The following EIF3B variants were observed in gnomAD, a reference collection of about 807,000 sequenced individuals.
EIF3B encodes eukaryotic translation initiation factor 3 subunit 9.
A neutral mutation model predicts 104.6 loss-of-function variants in EIF3B; 10 were observed. That is an observed-to-expected ratio of 0.10 (90% CI 0.06 to 0.16). The LOEUF (loss-of-function observed/expected upper bound fraction) is 0.16, where lower values mean the gene tolerates loss of function less well. EIF3B is among the 10% of genes least tolerant of loss of function. The pLI, the probability that EIF3B is intolerant of heterozygous loss-of-function variation, is 1.00. For synonymous variants in EIF3B, 542 were observed against 417.2 expected (o/e 1.30, Z -3.65); for missense variants, 1,014 against 1,087.9 (o/e 0.93, Z 0.96).
intron 12 of EIF3B, 131 bp from the exon 13 acceptor site, chr7:2,374,397 T>G (rs893103435): frequency 1.3e-6 from 1 of 743,524 alleles, no homozygotes; most frequent in Admixed American, 2.3e-5. Flanking sequence ...TAAAATTGTT[T>G]TCCGAGGTGG....
intron 14 of EIF3B, 141 bp downstream of exon 14, chr7:2,375,668 G>A (rs1583179614): frequency 1.1e-5 from 14 of 1,260,006 alleles, no homozygotes; most frequent in South Asian, 2.8e-5. Context: ...TGGTGTTAGT[G>A]GCAGGAGGAG....
In EIF3B at chr7:2,367,057, T is replaced by C. The variant is rs1780061381; in HGVS notation, c.1403+12T>C. ...ATCTCTGGGATAAAGTGAGTATTCT[T>C]ATCAGTTTGGTGTCTTAGTGTGTTC... On this transcript the variant is annotated intron_variant, in intron 9 of 18. Coordinates refer to ENST00000360876, the MANE Select transcript of EIF3B (RefSeq NM_001037283.2). 2.5e-5 allele frequency: 41 copies of C among 1,611,862 alleles called. No homozygotes were observed. Among genetic ancestry groups the C allele is most frequent in the Non-Finnish European group, 3.1e-5 (37 of 1,179,066 alleles).
chr7:2,364,560 A>G (rs942832981), intron 6 of EIF3B, 31 bp downstream of exon 6: 7 of 1,594,224 alleles, frequency 4.4e-6, no homozygotes, highest in Non-Finnish European at 6.0e-6. Flanking sequence ...AGGGGAGTCT[A>G]TGCATTTCAC....
At chr7:2,363,939 T>C (rs550382860) in intron 5 of EIF3B, among the ~76,000 whole-genome samples, 179 bp downstream of exon 5, 2 of 152,204 alleles carry the variant, frequency 1.3e-5, no homozygotes, top group Non-Finnish European at 2.9e-5. Context: ...TCCTGAGAAG[T>C]GAACAGGCTT....
At chr7:2,354,764 G>GC (rs1779286906), upstream of EIF3B, 2 of 622,418 alleles carry the variant, frequency 3.2e-6, no homozygotes, top group South Asian at 1.5e-4. Context: ...CGTTCGTGAG[G>GC]CCCCAGGGCG....
chr7:2,355,653 C>T (rs1373285254), intron 1 of EIF3B, among the ~76,000 whole-genome samples: 1 of 152,126 alleles, frequency 6.6e-6, no homozygotes, highest in Non-Finnish European at 1.5e-5. Flanking sequence ...GAGCTCACTT[C>T]GGGAGCCAGG....
intron 2 of EIF3B, among the ~76,000 whole-genome samples, chr7:2,361,910 G>A (rs575587589): frequency 2.6e-5 from 4 of 151,992 alleles, no homozygotes; most frequent in African/African-American, 9.7e-5. Context: ...CCAAGTAGCC[G>A]GGATTACAGG....
intron 12 of EIF3B, 90 bp downstream of exon 12, chr7:2,372,885 G>C: frequency 6.8e-7 from 1 of 1,460,958 alleles, no homozygotes; most frequent in Non-Finnish European, 9.3e-7. Context: ...GACTGGCCTA[G>C]GACCACTGCT....
rs1779857913 is a variant in EIF3B at position 2,363,613 on chromosome 7, C to T, written c.871-19C>T. ...ATTAAAATTAATGAAATGTTATATT[C>T]CTTGTCTTTGTTTTTAAGGGGAACT... On this transcript the variant is annotated intron_variant, in intron 4 of 18. Coordinates refer to ENST00000360876, the MANE Select transcript of EIF3B (RefSeq NM_001037283.2). 4 of 1,588,846 alleles carry T rather than the reference C, an allele frequency of 2.5e-6. No homozygotes were observed. The highest frequency in any genetic ancestry group is 1.2e-5 in the South Asian group (1 of 86,916).
At chr7:2,378,921 G>C in intron 16 of EIF3B, 155 bp downstream of exon 16, 1 of 770,908 alleles carries the variant, frequency 1.3e-6, no homozygotes, top group Non-Finnish European at 2.1e-6. Context: ...TGGGGAACTG[G>C]GGTTGGCACG....
intron 6 of EIF3B, among the ~76,000 whole-genome samples, chr7:2,365,938 G>A (rs935583183): frequency 6.6e-6 from 1 of 152,028 alleles, no homozygotes; most frequent in Admixed American, 6.6e-5. Flanking sequence ...CACCCACCTC[G>A]GCCTCCCAAA....
At chr7:2,369,091 A>G (rs886482714) in intron 9 of EIF3B, among the ~76,000 whole-genome samples, 8 of 152,178 alleles carry the variant, frequency 5.3e-5, no homozygotes, top group Admixed American at 6.5e-5. Context: ...TTGCACCTTA[A>G]TTAATCTTTA....
intron 12 of EIF3B, 101 bp downstream of exon 12, chr7:2,372,896 G>A: frequency 1.5e-6 from 2 of 1,357,332 alleles, no homozygotes; most frequent in Non-Finnish European, 2.0e-6. Context: ...GACCACTGCT[G>A]GGCAGGCCGG....
chr7:2,377,037 C>T lies in EIF3B; in HGVS notation c.2116C>T (p.Pro706Ser), dbSNP rs759448511. The T allele has an allele frequency of 1.2e-6, 2 of 1,613,364 alleles. No homozygotes were observed. Among genetic ancestry groups the T allele is most frequent in the Non-Finnish European group, 1.7e-6 (2 of 1,179,924 alleles). Residue 706 changes from proline to serine, a missense_variant, in exon 15 of 19, where the codon CCC becomes TCC. Pro to Ser is a moderately conservative substitution (Grantham distance 74, BLOSUM62 -1). Coordinates refer to ENST00000360876, the MANE Select transcript of EIF3B (RefSeq NM_001037283.2). ...CCGCTTCTGCCAGCTGCTGTGGCGG[C>T]CCCGGCCTCCCACACTCCTGAGCCA... ...KDRFCQLLWR[P>S]RPPTLLSQEQ...
intron 5 of EIF3B, among the ~76,000 whole-genome samples, chr7:2,364,155 G>A (rs530040308): frequency 3.9e-5 from 6 of 152,146 alleles, no homozygotes; most frequent in Non-Finnish European, 8.8e-5. Context: ...CCCGCTACTC[G>A]GGAGGCTGAG....
intron 18 of EIF3B, 22 bp downstream of exon 18, chr7:2,379,533 G>T (rs111584277): frequency 6.9e-7 from 1 of 1,458,854 alleles, no homozygotes; most frequent in East Asian, 2.4e-5. Flanking sequence ...CAGGGGGCGC[G>T]ATGGGGGTCC....
intron 15 of EIF3B, chr7:2,378,436 G>T (rs568542981): frequency 2.8e-6 from 1 of 361,412 alleles, no homozygotes; most frequent in Non-Finnish European, 5.0e-6. Context: ...GAGCAGGCGC[G>T]AGCGCTCCTG....
At chr7:2,376,883 A>G (rs1780659264) in intron 14 of EIF3B, 67 bp from the exon 15 acceptor site, 2 of 1,563,682 alleles carry the variant, frequency 1.3e-6, no homozygotes, top group Non-Finnish European at 8.7e-7. Context: ...TTGTTCAGCA[A>G]GTGACATAGT....
chr7:2,355,459 A>G (rs897542842), intron 1 of EIF3B, 39 bp downstream of exon 1: 1 of 1,410,860 alleles, frequency 7.1e-7, no homozygotes, highest in Non-Finnish European at 9.2e-7. Flanking sequence ...GCGGCGCGGG[A>G]GCGTGGCTGG....
Sources: gnomAD v4.1 joint callset for allele counts (sites outside exome capture counted in the v4.1 genomes callset) on GRCh38, gnomAD v4.1.1 for gene constraint, MANE v1.5 for transcripts, NCBI Gene and HGNC (gene_info 2026-07-23, HGNC 2026-07-21) for gene names.